Variants in PCDHA4 observed in about 807,000 individuals in gnomAD.
PCDHA4 encodes protocadherin alpha-4.
In PCDHA4, 49 loss-of-function variants were observed where a neutral mutation model predicts 61.4. That is an observed-to-expected ratio of 0.80 (90% CI 0.63 to 1.01). The LOEUF is 1.01. Ranked by LOEUF, PCDHA4 falls within the 50% of genes least tolerant of loss-of-function variation. PCDHA4 has a pLI of 0.00. For missense variants in PCDHA4, 1,254 were observed against 1,235.8 expected, an observed-to-expected ratio of 1.01 and a Z score of -0.22; for synonymous variants, 590 against 550.3, an observed-to-expected ratio of 1.07 and a Z score of -1.01.
chr5:140,958,890 A>G (rs1379321415), intron 1 of PCDHA4, among the ~76,000 whole-genome samples: 1 of 152,044 alleles, frequency 6.6e-6, no homozygotes, highest in African/African-American at 2.4e-5. Context: ...CAGTAGCTAT[A>G]TAATAGATAC....
chr5:140,908,493 G>T (rs545927854), intron 1 of PCDHA4, among the ~76,000 whole-genome samples: 14 of 152,270 alleles, frequency 9.2e-5, no homozygotes, highest in African/African-American at 3.4e-4. Flanking sequence ...AGTTCAGGTT[G>T]CTTGGTGACT....
chr5:140,872,447 C>T (rs555580142), intron 1 of PCDHA4, among the ~76,000 whole-genome samples: 10 of 152,054 alleles, frequency 6.6e-5, no homozygotes, highest in African/African-American at 2.2e-4. Flanking sequence ...GACAACATAG[C>T]GAGATCCTGT....
At position 140,844,006 on chromosome 5, in the gene PCDHA4, C is replaced by T. The variant is rs1258789343; in HGVS notation, c.2385+34434C>T. Among the ~76,000 whole-genome samples, 3 of 149,656 alleles carry T rather than the reference C, an allele frequency of 2.0e-5. No homozygotes were observed. In the Admixed American group the frequency reaches 2.0e-4, roughly 10 times the overall value. ...ACAGCCGTCTTCTCTGAACAATACT[C>T]TAAGGACGTTCAGGGCATTTTGATC... is the stretch of plus-strand genomic sequence containing the variant. On this transcript the variant is annotated intron_variant, in intron 1 of 3. Coordinates refer to ENST00000530339, the MANE Select transcript of PCDHA4 (RefSeq NM_018907.4).
At chr5:140,813,533 C>T (rs1173530205) in intron 1 of PCDHA4, 1 of 152,118 alleles carries the variant, frequency 6.6e-6, no homozygotes, top group African/African-American at 2.4e-5. Flanking sequence ...TAAAATGGTA[C>T]ACCTGAATAG....
intron 1 of PCDHA4, among the ~76,000 whole-genome samples, chr5:140,839,198 C>A (rs1030704020): frequency 1.9e-5 from 2 of 106,890 alleles, no homozygotes; most frequent in African/African-American, 9.0e-5. Context: ...CTATAAATAT[C>A]TTTGACCTTC....
In PCDHA4 at chr5:140,982,477, C is replaced by G. The variant is rs782587733; in HGVS notation, c.2447C>G (p.Ser816Cys). ...SASLRAGMHS[S>C]VHLEEAGILR... ...TCTGGGTCTGTGTGTTTATTCAGCT[C>G]TGTGCACCTAGAGGAGGCTGGCATT... is the stretch of plus-strand genomic sequence containing the variant. Residue 816 changes from serine to cysteine, a missense_variant and splice_region_variant, in exon 3 of 4, where the codon TCT (serine) becomes TGT (cysteine). Coordinates refer to ENST00000530339, the MANE Select transcript of PCDHA4 (RefSeq NM_018907.4). 2 of 1,614,188 alleles carry G rather than the reference C, an allele frequency of 1.2e-6. No homozygotes were observed. Among genetic ancestry groups the G allele is most frequent in the Non-Finnish European group, 1.7e-6 (2 of 1,180,030 alleles).
At chr5:140,814,743 A>G (rs1554126583) in intron 1 of PCDHA4, 2 of 152,286 alleles carry the variant, frequency 1.3e-5, no homozygotes, top group African/African-American at 4.8e-5. Flanking sequence ...TTATAATCTT[A>G]TGGGACTACT....
At chr5:140,810,533 T>C (rs1306597140) in intron 1 of PCDHA4, 1 of 152,270 alleles carries the variant, frequency 6.6e-6, no homozygotes, top group East Asian at 1.9e-4. Flanking sequence ...TGGGTGACTT[T>C]TGTAATCTCA....
At chr5:140,914,809 T>G (rs532202561) in intron 1 of PCDHA4, among the ~76,000 whole-genome samples, 21 of 152,314 alleles carry the variant, frequency 1.4e-4, no homozygotes, top group African/African-American at 5.1e-4. Flanking sequence ...TGATGGCAAC[T>G]TAACAGACTG....
chr5:140,910,058 T>A (rs571957156), intron 1 of PCDHA4, among the ~76,000 whole-genome samples: 5 of 152,344 alleles, frequency 3.3e-5, no homozygotes, highest in African/African-American at 9.6e-5. Flanking sequence ...TAAGTGATCT[T>A]TTAACAGCGT....
At chr5:140,881,648 CCTT>C (rs1554172342) in intron 1 of PCDHA4, among the ~76,000 whole-genome samples, 4 of 152,182 alleles carry the variant, frequency 2.6e-5, no homozygotes, top group African/African-American at 9.7e-5. Flanking sequence ...ATATTTTTCA[CCTT>C]CACCGATTTT....
chr5:140,835,608 C>T (rs1554135105), intron 1 of PCDHA4: 3 of 1,613,898 alleles, frequency 1.9e-6, no homozygotes, highest in East Asian at 2.2e-5. Flanking sequence ...TTCATTGGTG[C>T]TGGACAGCGC....
Position 140,857,793 on chromosome 5 carries a change from G to A in PCDHA4, c.2385+48221G>A, listed in dbSNP as rs782663646. The A allele has an allele frequency of 5.0e-6, 8 of 1,597,706 alleles. No individual in the cohort carries two copies. The Middle Eastern group carries it at 6.9e-4, about 137-fold the overall frequency. ...GGTGCAGTCAGTGAGCTGGTGCTGC[G>A]GTCGGTGGTTGCGGGTCACGTGGTG... is the stretch of plus-strand genomic sequence containing the variant. On this transcript the variant is annotated intron_variant, in intron 1 of 3. Coordinates refer to ENST00000530339, the MANE Select transcript of PCDHA4 (RefSeq NM_018907.4).
chr5:140,904,747 A>T (rs1462923024), intron 1 of PCDHA4, among the ~76,000 whole-genome samples: 1 of 151,918 alleles, frequency 6.6e-6, no homozygotes, highest in Non-Finnish European at 1.5e-5. Context: ...TATTATGACC[A>T]TTTTTGCAAG....
chr5:140,876,967 G>T lies in PCDHA4; in HGVS notation c.2385+67395G>T, dbSNP rs200960356. On this transcript the variant is annotated intron_variant, in intron 1 of 3. Coordinates refer to ENST00000530339, the MANE Select transcript of PCDHA4 (RefSeq NM_018907.4). ...GTCCTACTCGCTGGTGGAGCGGCGG[G>T]TGGGCGAGCACGCACTGTCGAGCTA... The T allele has an allele frequency of 3.1e-6, 5 of 1,613,050 alleles. No homozygotes were observed. The South Asian group carries it at 3.3e-5, about 11-fold the overall frequency.
chr5:140,985,830 C>T (rs1446445717), intron 3 of PCDHA4, among the ~76,000 whole-genome samples: 2 of 149,758 alleles, frequency 1.3e-5, no homozygotes, highest in Non-Finnish European at 3.0e-5. Flanking sequence ...AGCTCTGCCT[C>T]CCGGGTTCAT....
intron 1 of PCDHA4, among the ~76,000 whole-genome samples, chr5:140,913,995 A>T (rs541070374): frequency 6.6e-6 from 1 of 152,288 alleles, no homozygotes; most frequent in Admixed American, 6.5e-5. Context: ...TGTGACTAGC[A>T]TATGGTCTAT....
intron 1 of PCDHA4, chr5:140,836,498 C>A: frequency 1.2e-6 from 2 of 1,613,896 alleles, no homozygotes; most frequent in Non-Finnish European, 1.7e-6. Context: ...TCGCCATCTG[C>A]GCGGTGTCCA....
intron 1 of PCDHA4, among the ~76,000 whole-genome samples, chr5:140,923,413 G>T (rs2081347795): frequency 6.6e-6 from 1 of 152,062 alleles, no homozygotes; most frequent in Non-Finnish European, 1.5e-5. Context: ...CTATAATCCT[G>T]GCTACTTGGG....
Sources: allele counts gnomAD v4.1 joint callset (sites outside exome capture counted in the v4.1 genomes callset), GRCh38; gene constraint gnomAD v4.1.1; transcripts MANE v1.5; gene names NCBI Gene and HGNC (gene_info 2026-07-23, HGNC 2026-07-21).